The following TRMT11 variants were observed in gnomAD, a reference collection of about 807,000 sequenced individuals.
TRMT11 encodes tRNA methyltransferase 11.
In TRMT11, 53 loss-of-function variants were observed where a neutral mutation model predicts 62.8. The ratio of observed to expected loss-of-function variants is 0.84; its 90% CI spans 0.68 to 1.06. The LOEUF (loss-of-function observed/expected upper bound fraction) is 1.06. TRMT11 is among the 50% of genes least tolerant of loss of function. The pLI is 0.00. For missense variants in TRMT11, 556 were observed against 553.4 expected (o/e 1.00, Z -0.05); for synonymous variants, 188 against 190.3 (o/e 0.99, Z 0.10).
At chr6:126,017,202 G>T (rs1227711892) in intron 11 of TRMT11, among the ~76,000 whole-genome samples, 3 of 152,170 alleles carry the variant, frequency 2.0e-5, no homozygotes, top group East Asian at 1.9e-4. Flanking sequence ...TGTATTTTTG[G>T]TGTGGTGAAT....
intron 7 of TRMT11, 145 bp downstream of exon 7, chr6:125,999,758 G>T: frequency 1.6e-6 from 1 of 618,566 alleles, no homozygotes; most frequent in East Asian, 2.9e-5. Context: ...ACATACTTGT[G>T]TAATAGCTAG....
At chr6:126,130,366 T>A (rs567009870) in intron 21 of TRMT11, among the ~76,000 whole-genome samples, 37 of 152,210 alleles carry the variant, frequency 2.4e-4, no homozygotes, top group African/African-American at 8.9e-4. Flanking sequence ...AATCCTTTTA[T>A]ATATGTAATA....
At chr6:126,073,978 G>A (rs573196516) in intron 17 of TRMT11, among the ~76,000 whole-genome samples, 46 of 152,156 alleles carry the variant, frequency 3.0e-4, no homozygotes, top group African/African-American at 1.1e-3. Context: ...ATCAAATCTC[G>A]TGAGAACTCA....
At chr6:126,169,811 A>T (rs1363495755) in intron 21 of TRMT11, among the ~76,000 whole-genome samples, 4 of 152,180 alleles carry the variant, frequency 2.6e-5, no homozygotes, top group Non-Finnish European at 4.4e-5. Context: ...TGGAGAAATT[A>T]CTTTTTGTTA....
At chr6:126,098,132 C>G (rs1777359620) in intron 17 of TRMT11, among the ~76,000 whole-genome samples, 1 of 152,134 alleles carries the variant, frequency 6.6e-6, no homozygotes. Context: ...CTTTCCTCCT[C>G]CCTGCCTTCC....
At chr6:126,145,707 A>G (rs1283565316) in intron 21 of TRMT11, among the ~76,000 whole-genome samples, 1 of 152,056 alleles carries the variant, frequency 6.6e-6, no homozygotes, top group Non-Finnish European at 1.5e-5. Context: ...TTGTCACTTT[A>G]TCTACTGTGT....
At chr6:126,220,064 T>C in the TRMT11 span, among the ~76,000 whole-genome samples, 1 of 152,154 alleles carries the variant, frequency 6.6e-6, no homozygotes, top group African/African-American at 2.4e-5. Context: ...AGGTTAGATG[T>C]TTCATCTTGA....
At chr6:126,123,615 C>A (rs920291962) in intron 21 of TRMT11, among the ~76,000 whole-genome samples, 1 of 151,870 alleles carries the variant, frequency 6.6e-6, no homozygotes, top group East Asian at 1.9e-4. Flanking sequence ...ATTCCTACCT[C>A]TATTTGCAAC....
intron 21 of TRMT11, among the ~76,000 whole-genome samples, chr6:126,155,869 C>T (rs1778113699): frequency 6.6e-6 from 1 of 152,050 alleles, no homozygotes; most frequent in African/African-American, 2.4e-5. Context: ...TACACGTGCC[C>T]GCCACCATGC....
intron 21 of TRMT11, among the ~76,000 whole-genome samples, chr6:126,150,001 C>T (rs1255292510): frequency 6.6e-6 from 1 of 152,116 alleles, no homozygotes; most frequent in Non-Finnish European, 1.5e-5. Flanking sequence ...TTCTTTTTCC[C>T]TCTAAAACTT....
intron 17 of TRMT11, among the ~76,000 whole-genome samples, chr6:126,088,317 T>G (rs1242542246): frequency 6.6e-6 from 1 of 152,204 alleles, no homozygotes; most frequent in Non-Finnish European, 1.5e-5. Flanking sequence ...CTTTTTTCCT[T>G]TTTCAAATTA....
At chr6:126,194,280 C>T (rs1359724706) in intron 1 of TRMT11, among the ~76,000 whole-genome samples, 2 of 152,140 alleles carry the variant, frequency 1.3e-5, no homozygotes, top group African/African-American at 4.8e-5. Context: ...ATATTGCAGC[C>T]TATCTCTCCC....
chr6:126,066,309 C>T (rs1383271630), intron 17 of TRMT11, among the ~76,000 whole-genome samples: 3 of 152,196 alleles, frequency 2.0e-5, no homozygotes, highest in African/African-American at 7.2e-5. Context: ...TCAGTTTGGG[C>T]TGCCATAACA....
At chr6:126,196,850 G>A (rs1054112575) in intron 1 of TRMT11, among the ~76,000 whole-genome samples, 1 of 151,774 alleles carries the variant, frequency 6.6e-6, no homozygotes, top group East Asian at 1.9e-4. Context: ...TCAAAACTGG[G>A]AATTAAAATT....
At chr6:126,085,857 C>T (rs531884129) in intron 17 of TRMT11, among the ~76,000 whole-genome samples, 3 of 152,262 alleles carry the variant, frequency 2.0e-5, no homozygotes, top group African/African-American at 7.2e-5. Context: ...AATGTAGTTT[C>T]ATTAATTGTA....
At chr6:126,030,737 T>C (rs923179509) in intron 12 of TRMT11, among the ~76,000 whole-genome samples, 3 of 152,198 alleles carry the variant, frequency 2.0e-5, no homozygotes, top group Non-Finnish European at 2.9e-5. Flanking sequence ...GAACTGTCAG[T>C]GAGTAAAAGG....
At chr6:126,252,556 T>C in the TRMT11 span, among the ~76,000 whole-genome samples, 1 of 152,196 alleles carries the variant, frequency 6.6e-6, no homozygotes, top group Non-Finnish European at 1.5e-5. Flanking sequence ...AGACCCCTTC[T>C]CAATGAGAAG....
chr6:126,270,139 A>G, the TRMT11 span, among the ~76,000 whole-genome samples: 1 of 152,206 alleles, frequency 6.6e-6, no homozygotes, highest in African/African-American at 2.4e-5. Flanking sequence ...CAAAAGGGGA[A>G]AAAGAACTAA....
chr6:126,219,161 G>T, the TRMT11 span, among the ~76,000 whole-genome samples: 3 of 152,066 alleles, frequency 2.0e-5, no homozygotes, highest in South Asian at 6.2e-4. Context: ...TTAAAACTAG[G>T]TCCTGTGATG....
Sources: gnomAD v4.1 joint callset for allele counts (sites outside exome capture counted in the v4.1 genomes callset) on GRCh38, gnomAD v4.1.1 for gene constraint, MANE v1.5 for transcripts, NCBI Gene and HGNC (gene_info 2026-07-23, HGNC 2026-07-21) for gene names.